Variants in SCN4A observed in about 807,000 individuals in gnomAD.
SCN4A encodes the protein sodium channel protein type 4 subunit alpha.
A neutral mutation model predicts 162.0 loss-of-function variants in SCN4A; 83 were observed. That is an observed-to-expected ratio of 0.51 (90% confidence interval 0.43 to 0.61). SCN4A has a LOEUF of 0.61. Ranked by LOEUF, SCN4A falls within the 20% of genes least tolerant of loss-of-function variation. The pLI is 0.00. For missense variants in SCN4A, 2,196 were observed against 2,462.5 expected (o/e 0.89, Z 2.29); for synonymous variants, 944 against 985.1 (o/e 0.96, Z 0.78).
Position 63,959,452 on chromosome 17 carries a change from T to C in SCN4A, c.1846-14A>G. ...GCCTGTGAAGACCTAGGGGGTGGCA[T>C]GAGGCCCTGTCACAGAGCCTCGGGG... On this transcript the variant is annotated splice_polypyrimidine_tract_variant and intron_variant, in intron 11 of 23. Transcript: ENST00000435607. The C allele has an allele frequency of 1.9e-6, 3 of 1,611,568 alleles. No individual in the cohort carries two copies. Among genetic ancestry groups the C allele is most frequent in the Non-Finnish European group, 2.5e-6 (3 of 1,178,748 alleles).
intron 10 of SCN4A, chr17:63,961,835 A>ACAAC (rs1909270301): frequency 1.2e-5 from 1 of 82,100 alleles, no homozygotes; most frequent in African/African-American, 6.3e-5. Context: ...AACCCCGCCC[A>ACAAC]CAACCCCGCC....
At chr17:63,946,348 G>A (rs1159918176) in intron 18 of SCN4A, among the ~76,000 whole-genome samples, 1 of 152,130 alleles carries the variant, frequency 6.6e-6, no homozygotes, top group Non-Finnish European at 1.5e-5. Flanking sequence ...GCAGGGACAG[G>A]AAGGGGCCGC....
chr17:63,963,919 G>A, intron 9 of SCN4A, 94 bp from the exon 10 acceptor site: 5 of 1,235,596 alleles, frequency 4.0e-6, no homozygotes, highest in Middle Eastern at 4.3e-4. Flanking sequence ...AGTCCTTCAG[G>A]GTGGCAGCCC....
At position 63,941,785 on chromosome 17, in the gene SCN4A, G is replaced by A. The variant is rs572237501; in HGVS notation, c.4497C>T (p.Phe1499=). 7 of 1,614,062 alleles carry A rather than the reference G, an allele frequency of 4.3e-6. No individual in the cohort carries two copies. The highest frequency in any genetic ancestry group is 2.2e-5 in the East Asian group (1 of 44,888). The stretch of plus-strand genomic sequence containing the variant: ...TGACGTAGGCAAAGTTGGACATGCC[G>A]AAGATGGAGTAGATGAACATGACCA... ...LFLVMFIYSI[F]GMSNFAYVKK... is the part of the protein sequence containing the mutation. Residue 1499 remains phenylalanine, a synonymous_variant, in exon 24 of 24, where the codon TTC becomes TTT. Coordinates refer to ENST00000435607, the MANE Select transcript of SCN4A (RefSeq NM_000334.4). The surrounding 1 kb of genome is among the most constrained non-coding windows in gnomAD (Gnocchi z 6.2).
At chr17:63,946,462 G>GCCCCC (rs374261223) in intron 18 of SCN4A, among the ~76,000 whole-genome samples, 6 of 106,660 alleles carry the variant, frequency 5.6e-5, no homozygotes, top group Non-Finnish European at 9.2e-5. Context: ...CATTTTTCTT[G>GCCCCC]CCCCCCCCCC....
At chr17:63,954,753 C>T (rs1909019664) in intron 13 of SCN4A, among the ~76,000 whole-genome samples, 1 of 152,152 alleles carries the variant, frequency 6.6e-6, no homozygotes, top group African/African-American at 2.4e-5. Context: ...TGGGCCGTTC[C>T]ACTCCCTCTG....
intron 18 of SCN4A, 105 bp downstream of exon 18, chr17:63,946,940 T>C: frequency 8.6e-7 from 1 of 1,157,768 alleles, no homozygotes; most frequent in Non-Finnish European, 1.2e-6. Context: ...AGCTCTCTGC[T>C]TCCCTCTGGT....
chr17:63,951,645 C>G lies in SCN4A; in HGVS notation c.2632G>C (p.Glu878Gln). Reference protein sequence around the residue: ...GEAGETAPEDEKKEPPEEDLK... With the variant: ...GEAGETAPEDQKKEPPEEDLK... The stretch of plus-strand genomic sequence containing the variant: ...TCCTCCTCGGGCGGCTCCTTCTTCT[C>G]ATCCTCGGGGGCAGTCTCCCCCGCC... The change falls in exon 14 of 24, where the codon GAG (glutamate) becomes CAG (glutamine). Residue 878 changes from glutamate to glutamine, a missense_variant. Physicochemically the swap from Glu to Gln is conservative, Grantham distance 29. Coordinates refer to ENST00000435607, the MANE Select transcript of SCN4A (RefSeq NM_000334.4). This position sits in a 1 kb window ranked among gnomAD's most constrained non-coding sequence, Gnocchi z 4.5. 1.2e-6 allele frequency: 2 copies of G among 1,604,860 alleles called. No individual in the cohort carries two copies. The highest frequency in any genetic ancestry group is 2.2e-5 in the South Asian group (2 of 89,866).
At chr17:63,942,669 AT>A (rs1402204226) in intron 23 of SCN4A, among the ~76,000 whole-genome samples, 156 bp downstream of exon 23, 8 of 152,210 alleles carry the variant, frequency 5.3e-5, no homozygotes, top group Non-Finnish European at 1.0e-4. Flanking sequence ...TGTGCACACC[AT>A]GTGCCTTTGT....
rs149994982 is a variant in SCN4A at position 63,949,777 on chromosome 17, G to C, written c.2854-249C>G. ...CTGATGCCTGGGAAGGGACGGTAAG[G>C]GCATGAGGACACATGCGAAGGCCTC... On this transcript the variant is annotated intron_variant, in intron 14 of 23. Coordinates refer to ENST00000435607, the MANE Select transcript of SCN4A (RefSeq NM_000334.4). The C allele has an allele frequency of 7.5e-5, 31 of 414,556 alleles. No homozygotes were observed. In the East Asian group the frequency reaches 1.3e-3, roughly 17 times the overall value. The allele number at this position is 414,556 out of a possible 1,614,324, so 25.7% of individuals were successfully genotyped here. A position where few individuals can be genotyped will look rare whatever the true frequency, so the allele number is the denominator to read the frequency against.
chr17:63,949,594 T>C, intron 14 of SCN4A, 66 bp from the exon 15 acceptor site: 5 of 1,497,380 alleles, frequency 3.3e-6, no homozygotes, highest in Non-Finnish European at 4.5e-6. Context: ...TCCTACCAGA[T>C]GGGGCAGGAT....
chr17:63,967,971 C>A (rs552391034), intron 6 of SCN4A, 52 bp downstream of exon 6: 13 of 1,446,704 alleles, frequency 9.0e-6, no homozygotes, highest in Admixed American at 6.8e-5. Flanking sequence ...TCAGAGGCTA[C>A]CCTAGGGACT....
At position 63,945,223 on chromosome 17, in the gene SCN4A, C is replaced by T. The variant is rs1182904044; in HGVS notation, c.3720+137G>A. ...AAGACCAGAGAGGTCTAGACACTGC[C>T]TGGGGATCCCACAGCATTGGAAGCA... On this transcript the variant is annotated intron_variant, in intron 19 of 23. Transcript: ENST00000435607. This position sits in a 1 kb window ranked among gnomAD's most constrained non-coding sequence, Gnocchi z 4.4. 1 of 995,604 alleles carries T rather than the reference C, an allele frequency of 1.0e-6. No individual in the cohort carries two copies. Among genetic ancestry groups the T allele is most frequent in the Non-Finnish European group, 1.5e-6 (1 of 659,550 alleles). The allele number at this position is 995,604 out of a possible 1,614,324, so 61.7% of individuals were successfully genotyped here.
chr17:63,963,694 G>A lies in SCN4A; in HGVS notation c.1584C>T (p.Ser528=), dbSNP rs574891214. ...CACCTTCCATGGCGTCGGAGATGCC[G>A]CTGTCTCCGCTGCTGCTCTGCCTCG... ...GAPRQSSSGD[S]GISDAMEELE... The change falls in exon 10 of 24, where the codon AGC becomes AGT. Residue 528 remains serine, a synonymous_variant. Transcript: ENST00000435607. 15 of 1,590,632 alleles carry A rather than the reference G, an allele frequency of 9.4e-6. No individual in the cohort carries two copies. Among genetic ancestry groups the A allele is most frequent in the African/African-American group, 4.0e-5 (3 of 74,502 alleles).
At chr17:63,953,682 G>GA (rs201699267) in intron 13 of SCN4A, among the ~76,000 whole-genome samples, 3,066 of 124,264 alleles carry the variant, frequency 0.025, 56 homozygotes, top group African/African-American at 0.043. Flanking sequence ...ACCCTGCCTT[G>GA]AAGAAAAAAA....
Position 63,944,871 on chromosome 17 carries a change from C to G in SCN4A, c.3775-61G>C. On this transcript the variant is annotated intron_variant, in intron 20 of 23. Transcript: ENST00000435607. The surrounding 1 kb of genome is among the most constrained non-coding windows in gnomAD (Gnocchi z 4.3). ...CACGCTGGCTTCTCCCTGCCCCCCA[C>G]AGCCCTGAGGGCAGGACCCATCCAC... The G allele has an allele frequency of 1.9e-6, 3 of 1,602,438 alleles. No homozygotes were observed. The highest frequency in any genetic ancestry group is 2.6e-6 in the Non-Finnish European group (3 of 1,173,826).
At chr17:63,962,979 G>A (rs1358046318) in intron 10 of SCN4A, among the ~76,000 whole-genome samples, 1 of 152,178 alleles carries the variant, frequency 6.6e-6, no homozygotes, top group Non-Finnish European at 1.5e-5. Flanking sequence ...CCGACCTGGG[G>A]AGGGAACCAC....
At position 63,951,838 on chromosome 17, in the gene SCN4A, C is replaced by T. The variant is rs137890985; in HGVS notation, c.2439G>A (p.Ser813=). The T allele has an allele frequency of 2.7e-5, 43 of 1,571,940 alleles. No individual in the cohort carries two copies. The highest frequency in any genetic ancestry group is 2.2e-4 in the African/African-American group (16 of 74,264). Residue 813 remains serine, a synonymous_variant, in exon 14 of 24, where the codon TCG becomes TCA. Coordinates refer to ENST00000435607, the MANE Select transcript of SCN4A (RefSeq NM_000334.4). The surrounding 1 kb of genome is among the most constrained non-coding windows in gnomAD (Gnocchi z 4.5). ...SSFSADSLAA[S]DEDGEMNNLQ... Reference sequence around the variant, plus strand: ...GGTTGTTCATCTCGCCATCCTCATCCGAGGCTGCCAGACTGTCGGCGCTGA... The same window carrying T: ...GGTTGTTCATCTCGCCATCCTCATCTGAGGCTGCCAGACTGTCGGCGCTGA...
rs188115805 is a variant in SCN4A, at chr17:63,960,503, G to T, written c.1845+690C>A. ...AACCTTCAGGGTTGGGGAGCATCTC[G>T]CCCATTTGCCGTCCTGGAAAAATTG... On this transcript the variant is annotated intron_variant, in intron 11 of 23. Transcript: ENST00000435607. Among the ~76,000 whole-genome samples the T allele has an allele frequency of 1.7e-3, 260 of 152,292 alleles. 2 individuals carry two copies. Among genetic ancestry groups the T allele is most frequent in the African/African-American group, 5.8e-3 (240 of 41,556 alleles).
Sources: gnomAD v4.1 joint callset for allele counts (sites outside exome capture counted in the v4.1 genomes callset) on GRCh38, gnomAD v4.1.1 for gene constraint, Gnocchi (gnomAD v3.1) non-coding constraint, MANE v1.5 for transcripts, NCBI Gene and HGNC (gene_info 2026-07-23, HGNC 2026-07-21) for gene names.